The following ATP6V0D1 variants were observed in gnomAD, a reference collection of about 807,000 sequenced individuals.
ATP6V0D1 encodes ATPase H+ transporting V0 subunit d1.
In ATP6V0D1, 13 loss-of-function variants were observed where a neutral mutation model predicts 39.0. That is an observed-to-expected ratio of 0.33 (90% CI 0.22 to 0.53). The LOEUF is 0.53. Ranked by LOEUF, ATP6V0D1 falls within the 20% of genes least tolerant of loss-of-function variation. The probability of loss-of-function intolerance (pLI) is 0.94; values close to 1 mark genes in which losing one functional copy is unlikely to be tolerated. For missense variants in ATP6V0D1, 272 were observed against 470.9 expected (o/e 0.58, Z 3.91); for synonymous variants, 191 against 191.2 (o/e 1.00, Z 0.01).
In ATP6V0D1 at chr16:67,457,455, A is replaced by G. The variant is rs931943861; in HGVS notation, c.131-3740T>C. 4.4e-6 allele frequency: 3 copies of G among 684,126 alleles called. No individual in the cohort carries two copies. The African/African-American group carries it at 5.5e-5, about 13-fold the overall frequency. The allele number at this position is 684,126 out of a possible 1,614,324, so 42.4% of individuals were successfully genotyped here. A position where few individuals can be genotyped will look rare whatever the true frequency, so the allele number is the denominator to read the frequency against. ...TTTTCAGATACAGACTCAGCTGTCC[A>G]GACAGATTTCAGTCCCAGATGAGCT... On this transcript the variant is annotated intron_variant, in intron 1 of 7. Transcript: ENST00000290949.
At chr16:67,461,740 C>T (rs1292579373) in intron 1 of ATP6V0D1, among the ~76,000 whole-genome samples, 1 of 152,224 alleles carries the variant, frequency 6.6e-6, no homozygotes, top group Admixed American at 6.5e-5. Flanking sequence ...TGGGGCCAAT[C>T]TGCAGAGATG....
intron 2 of ATP6V0D1, chr16:67,452,237 C>T (rs1375655295): frequency 1.3e-6 from 2 of 1,535,064 alleles, no homozygotes; most frequent in African/African-American, 1.4e-5. Flanking sequence ...TGTTGGCATA[C>T]CTTGATGGAG....
At position 67,481,155 on chromosome 16, in the gene ATP6V0D1, G is replaced by A. The variant is rs2041473781; in HGVS notation, c.-69C>T. ...GCACGAATCGCGACTCCCCAGGTCA[G>A]CTGACGCTGCGTCCTCAGCGGGCTG... On this transcript the variant is annotated 5_prime_UTR_variant, in exon 1 of 8. Coordinates refer to ENST00000290949, the MANE Select transcript of ATP6V0D1 (RefSeq NM_004691.5). The A allele has an allele frequency of 6.3e-7, 1 of 1,598,144 alleles. No homozygotes were observed. Among genetic ancestry groups the A allele is most frequent in the East Asian group, 2.2e-5 (1 of 44,600 alleles).
At chr16:67,459,752 C>T (rs2041274351) in intron 1 of ATP6V0D1, among the ~76,000 whole-genome samples, 1 of 152,264 alleles carries the variant, frequency 6.6e-6, no homozygotes, top group Non-Finnish European at 1.5e-5. Context: ...TTTTTCAGCC[C>T]CCAGGCCTCT....
intron 1 of ATP6V0D1, among the ~76,000 whole-genome samples, chr16:67,477,634 GCTT>G (rs1015769796): frequency 1.5e-4 from 23 of 151,836 alleles, no homozygotes; most frequent in African/African-American, 4.6e-4. Flanking sequence ...TTATATTATT[GCTT>G]CTTATTTGTA....
Position 67,447,621 on chromosome 16 carries a change from T to G in ATP6V0D1, c.303-2915A>C, listed in dbSNP as rs1597571492. The stretch of plus-strand genomic sequence containing the variant: ...CAAAGAGGCCCTTGTGGGGTGGGGG[T>G]GGGGCCGTCTGTATTCCTCTGCCCA... On this transcript the variant is annotated intron_variant, in intron 2 of 7. Coordinates refer to ENST00000290949, the MANE Select transcript of ATP6V0D1 (RefSeq NM_004691.5). This position sits in a 1 kb window ranked among gnomAD's most constrained non-coding sequence, Gnocchi z 4.1. Among the ~76,000 whole-genome samples, 1 of 150,990 alleles carries G rather than the reference T, an allele frequency of 6.6e-6. No individual in the cohort carries two copies. Among genetic ancestry groups the G allele is most frequent in the Non-Finnish European group, 1.5e-5 (1 of 67,668 alleles).
At chr16:67,463,999 C>T (rs571898639) in intron 1 of ATP6V0D1, among the ~76,000 whole-genome samples, 10 of 152,328 alleles carry the variant, frequency 6.6e-5, no homozygotes, top group Admixed American at 5.2e-4. Flanking sequence ...ATTCCAGGAC[C>T]CTGTGCTCTC....
intron 2 of ATP6V0D1, chr16:67,445,718 G>A (rs2142303356): frequency 2.9e-6 from 1 of 341,314 alleles, no homozygotes; most frequent in East Asian, 7.7e-5. Flanking sequence ...GAGCTGGGGA[G>A]GGGTGAGACT....
chr16:67,439,302 G>A lies in ATP6V0D1; in HGVS notation c.611C>T (p.Thr204Met), dbSNP rs763481676. ...CAGGATGGGGCACATGGCATCAGCC[G>A]TAGTCCCGCCCAGTAGGGTGCAGAA... ...YKFCTLLGGT[T>M]ADAMCPILEF... is the part of the protein sequence containing the mutation. The change falls in exon 5 of 8, where the codon ACG becomes ATG. Residue 204 changes from threonine to methionine, a missense_variant. Physicochemically the swap from Thr to Met is moderately conservative, Grantham distance 81. Transcript: ENST00000290949. 54 of 1,614,002 alleles carry A rather than the reference G, an allele frequency of 3.3e-5. No homozygotes were observed. Among genetic ancestry groups the A allele is most frequent in the Non-Finnish European group, 4.3e-5 (51 of 1,180,034 alleles).
intron 4 of ATP6V0D1, chr16:67,440,608 A>G (rs1312731416): frequency 1.3e-5 from 2 of 152,262 alleles, no homozygotes; most frequent in African/African-American, 4.8e-5. Context: ...TCTGAACTCC[A>G]AGGTGTGGAG....
At chr16:67,467,374 G>A (rs1255035194) in intron 1 of ATP6V0D1, among the ~76,000 whole-genome samples, 3 of 152,078 alleles carry the variant, frequency 2.0e-5, no homozygotes, top group African/African-American at 7.2e-5. Flanking sequence ...GCGTGGTGGC[G>A]GGTGCCTGTA....
intron 1 of ATP6V0D1, among the ~76,000 whole-genome samples, chr16:67,469,507 G>A (rs139585993): frequency 2.5e-3 from 378 of 152,256 alleles, no homozygotes; most frequent in Non-Finnish European, 3.9e-3. Flanking sequence ...CAGCTGACAT[G>A]AGAAGGGTCC....
At chr16:67,441,839 T>A (rs1486297155) in intron 4 of ATP6V0D1, 2 of 152,386 alleles carry the variant, frequency 1.3e-5, no homozygotes, top group East Asian at 3.9e-4. Context: ...CACCTCTGGT[T>A]TCAGGCCCTC....
intron 2 of ATP6V0D1, among the ~76,000 whole-genome samples, chr16:67,449,255 G>C (rs1056750009): frequency 1.2e-4 from 19 of 152,200 alleles, no homozygotes; most frequent in African/African-American, 3.9e-4. Context: ...CCCCTCCAGG[G>C]AGGCTCACTC....
intron 2 of ATP6V0D1, among the ~76,000 whole-genome samples, chr16:67,450,525 A>G (rs2041166803): frequency 6.6e-6 from 1 of 152,058 alleles, no homozygotes; most frequent in Non-Finnish European, 1.5e-5. Flanking sequence ...CATGGGAGCA[A>G]AGAAATAGCT....
intron 1 of ATP6V0D1, among the ~76,000 whole-genome samples, chr16:67,475,891 A>T (rs1049215628): frequency 1.1e-4 from 16 of 152,166 alleles, no homozygotes; most frequent in African/African-American, 3.1e-4. Flanking sequence ...AGAAATGAAG[A>T]CTCTAGGTCT....
intron 2 of ATP6V0D1, among the ~76,000 whole-genome samples, chr16:67,450,998 G>A (rs1163172025): frequency 6.6e-6 from 1 of 152,214 alleles, no homozygotes; most frequent in Non-Finnish European, 1.5e-5. Context: ...GCTGGGGGCA[G>A]GAGAGCAATG....
chr16:67,470,875 C>A (rs1450520245), intron 1 of ATP6V0D1, among the ~76,000 whole-genome samples: 2 of 152,122 alleles, frequency 1.3e-5, no homozygotes, highest in Non-Finnish European at 2.9e-5. Context: ...AAAAACTGGA[C>A]CAATCTTGTG....
In ATP6V0D1 at chr16:67,447,392, C is replaced by T. The variant is rs1041622620; in HGVS notation, c.303-2686G>A. ...GGCTGGCCCAGCAGTCTGCCTTTCT[C>T]CCAAGGCCGAGGCCTTCGGCAGGCA... On this transcript the variant is annotated intron_variant, in intron 2 of 7. Transcript: ENST00000290949. The surrounding 1 kb of genome is among the most constrained non-coding windows in gnomAD (Gnocchi z 4.1). Among the ~76,000 whole-genome samples the T allele has an allele frequency of 1.3e-5, 2 of 152,238 alleles. No individual in the cohort carries two copies. Among genetic ancestry groups the T allele is most frequent in the African/African-American group, 4.8e-5 (2 of 41,474 alleles).
Sources: allele counts gnomAD v4.1 joint callset (sites outside exome capture counted in the v4.1 genomes callset), GRCh38; gene constraint gnomAD v4.1.1; non-coding constraint Gnocchi (gnomAD v3.1); transcripts MANE v1.5; gene names NCBI Gene and HGNC (gene_info 2026-07-23, HGNC 2026-07-21).